TRPC7: variants seen among roughly 807,000 people sequenced by gnomAD.
The protein encoded by TRPC7 is transient receptor potential cation channel subfamily C member 7.
A neutral mutation model predicts 90.1 loss-of-function variants in TRPC7; 42 were observed. The observed-to-expected ratio is 0.47, with a 90% CI of 0.36 to 0.60. The LOEUF is 0.60. Among genes scored for constraint, TRPC7 ranks in the 20% least tolerant of loss-of-function variants. TRPC7 has a pLI of 0.00. For missense variants in TRPC7, 955 were observed against 1,112.3 expected (o/e 0.86, Z 2.01); for synonymous variants, 451 against 436.3 (o/e 1.03, Z -0.42).
chr5:136,251,901 G>T lies in TRPC7; in HGVS notation c.1346-19C>A. 6.2e-7 allele frequency: 1 copy of T among 1,602,698 alleles called. No homozygotes were observed. Among genetic ancestry groups the T allele is most frequent in the Non-Finnish European group, 8.5e-7 (1 of 1,169,872 alleles). On this transcript the variant is annotated intron_variant, in intron 5 of 11. Coordinates refer to ENST00000513104, the MANE Select transcript of TRPC7 (RefSeq NM_020389.3). Reference sequence around the variant, plus strand: ...ATCATTCCTGTGGGAGAAGGAGAAGGCCAGGCTCACTTTTCGTTTCTCTTG... The same window carrying T: ...ATCATTCCTGTGGGAGAAGGAGAAGTCCAGGCTCACTTTTCGTTTCTCTTG...
intron 5 of TRPC7, 150 bp downstream of exon 5, chr5:136,266,070 G>T: frequency 1.4e-6 from 1 of 716,024 alleles, no homozygotes; most frequent in Non-Finnish European, 2.4e-6. Context: ...AAAGACAGAA[G>T]TTGACTCTGA....
Position 136,221,756 on chromosome 5 carries a change from C to T in TRPC7, c.2343+3518G>A, listed in dbSNP as rs577714225. Among the ~76,000 whole-genome samples the T allele has an allele frequency of 2.0e-3, 300 of 152,344 alleles. 1 individual carries two copies. The highest frequency in any genetic ancestry group is 3.9e-3 in the Admixed American group (59 of 15,306). The stretch of plus-strand genomic sequence containing the variant: ...ACTGGCAAGTTGTCCATCCTCTTTG[C>T]TTTGATCTCTTCGGTAAAGGCTATT... On this transcript the variant is annotated intron_variant, in intron 10 of 11. Transcript: ENST00000513104.
intron 3 of TRPC7, among the ~76,000 whole-genome samples, chr5:136,290,782 T>C (rs2149824263): frequency 6.6e-6 from 1 of 152,028 alleles, no homozygotes; most frequent in Non-Finnish European, 1.5e-5. Flanking sequence ...ATTCAGGAAA[T>C]AAAGAGAATG....
intron 11 of TRPC7, chr5:136,214,214 C>G (rs903601863): frequency 3.3e-5 from 5 of 152,874 alleles, no homozygotes; most frequent in African/African-American, 1.2e-4. Context: ...GCCGCCTCCT[C>G]CTTCCATAAC....
rs748677264 is a variant in TRPC7, at chr5:136,213,497, C to T, written c.2527G>A (p.Glu843Lys). ...ELADLIQQLS[E>K]KFGKNLNKDH... ...TTGTTTAAGTTCTTTCCAAACTTCT[C>T]GCTGAGTTGTTGAATCAGGTCTGCC... Residue 843 changes from glutamate (E) to lysine (K), a missense_variant, in exon 12 of 12, where the codon GAG becomes AAG. Transcript: ENST00000513104. 13 of 1,614,040 alleles carry T rather than the reference C, an allele frequency of 8.1e-6. No homozygotes were observed. Among genetic ancestry groups the T allele is most frequent in the East Asian group, 2.2e-5 (1 of 44,880 alleles).
chr5:136,277,829 G>A (rs1194859017), intron 3 of TRPC7, among the ~76,000 whole-genome samples: 1 of 152,196 alleles, frequency 6.6e-6, no homozygotes, highest in African/African-American at 2.4e-5. Context: ...CTAAGCCTAG[G>A]CCATTCCTGC....
intron 3 of TRPC7, among the ~76,000 whole-genome samples, chr5:136,275,973 C>T (rs138688209): frequency 4.0e-4 from 61 of 152,288 alleles, no homozygotes; most frequent in African/African-American, 1.4e-3. Flanking sequence ...CCCATGTGGT[C>T]CATGAGACAC....
chr5:136,256,300 G>A (rs752318044), intron 5 of TRPC7, among the ~76,000 whole-genome samples: 11 of 152,118 alleles, frequency 7.2e-5, no homozygotes, highest in Non-Finnish European at 1.3e-4. Flanking sequence ...GTTTTTGGCC[G>A]TTCCCATTCT....
chr5:136,240,998 G>A (rs918607551), intron 7 of TRPC7, among the ~76,000 whole-genome samples: 2 of 152,006 alleles, frequency 1.3e-5, no homozygotes, highest in African/African-American at 4.8e-5. Context: ...TCCGTGGCAG[G>A]TGGGGGTGTG....
intron 2 of TRPC7, among the ~76,000 whole-genome samples, chr5:136,327,397 G>T (rs1468450682): frequency 6.6e-6 from 1 of 152,140 alleles, no homozygotes; most frequent in Non-Finnish European, 1.5e-5. Context: ...TGAAGATTGG[G>T]GGCAAAACCA....
intron 7 of TRPC7, among the ~76,000 whole-genome samples, chr5:136,233,290 G>A (rs1173963861): frequency 6.6e-6 from 1 of 152,202 alleles, no homozygotes; most frequent in African/African-American, 2.4e-5. Context: ...TATAAGCAAC[G>A]ACAGGGTATT....
intron 10 of TRPC7, among the ~76,000 whole-genome samples, chr5:136,217,104 G>T (rs755722359): frequency 6.6e-6 from 1 of 152,170 alleles, no homozygotes; most frequent in South Asian, 2.1e-4. Context: ...AAAAATACTC[G>T]GGTAGCCGAG....
intron 5 of TRPC7, among the ~76,000 whole-genome samples, chr5:136,257,185 C>CTT (rs1381833657): frequency 3.6e-5 from 5 of 139,134 alleles, no homozygotes; most frequent in African/African-American, 7.9e-5. Flanking sequence ...GTTTTTCTTT[C>CTT]TTTTTTTTTT....
At position 136,358,839 on chromosome 5, in the gene TRPC7, T is replaced by C. The variant is rs188238126; in HGVS notation, c.3-1454A>G. On this transcript the variant is annotated intron_variant, in intron 1 of 11. Transcript: ENST00000513104. ...TTCTATTTTTCTTTTCTACTCTACC[T>C]CCACTCACATTATTCAGAGAATATT... is the stretch of plus-strand genomic sequence containing the variant. 3.9e-4 allele frequency among the ~76,000 whole-genome samples: 59 copies of C among 152,342 alleles called. No individual in the cohort carries two copies. The East Asian group carries it at 0.011, about 29-fold the overall frequency.
intron 10 of TRPC7, among the ~76,000 whole-genome samples, chr5:136,223,083 C>T (rs542274579): frequency 4.6e-5 from 7 of 152,244 alleles, no homozygotes; most frequent in African/African-American, 1.7e-4. Context: ...CTGATGCCTA[C>T]TGGCTGGCTT....
intron 2 of TRPC7, among the ~76,000 whole-genome samples, chr5:136,354,547 C>T (rs1322928434): frequency 6.6e-6 from 1 of 152,210 alleles, no homozygotes. Flanking sequence ...GCCTCACCTA[C>T]ATACAACAAA....
At position 136,292,385 on chromosome 5, in the gene TRPC7, A is replaced by G. The variant is rs1424567204; in HGVS notation, c.964-17548T>C. ...TTTTTTGAAAAGATCAACAAAATTG[A>G]TAGACCACTAGCAAGACTAATAAAG... On this transcript the variant is annotated intron_variant, in intron 3 of 11. Coordinates refer to ENST00000513104, the MANE Select transcript of TRPC7 (RefSeq NM_020389.3). Among the ~76,000 whole-genome samples the G allele has an allele frequency of 2.0e-5, 3 of 152,140 alleles. No homozygotes were observed. The East Asian group carries it at 5.8e-4, about 29-fold the overall frequency.
intron 2 of TRPC7, among the ~76,000 whole-genome samples, chr5:136,355,196 C>G (rs1381286014): frequency 6.6e-6 from 1 of 152,200 alleles, no homozygotes; most frequent in East Asian, 1.9e-4. Flanking sequence ...ACTCTTCCAG[C>G]TATACCTTCT....
chr5:136,281,027 A>G (rs1202199720), intron 3 of TRPC7, among the ~76,000 whole-genome samples: 1 of 152,176 alleles, frequency 6.6e-6, no homozygotes, highest in Non-Finnish European at 1.5e-5. Context: ...AACTATATTT[A>G]CCCTATATTT....
Sources: gnomAD v4.1 joint callset for allele counts (sites outside exome capture counted in the v4.1 genomes callset) on GRCh38, gnomAD v4.1.1 for gene constraint, MANE v1.5 for transcripts, NCBI Gene and HGNC (gene_info 2026-07-23, HGNC 2026-07-21) for gene names.